Variants in ARHGAP26 observed in about 807,000 individuals in gnomAD.
ARHGAP26 encodes the protein Rho GTPase activating protein 26, also known as rho GTPase-activating protein 26.
ARHGAP26 carries 38 observed loss-of-function variants against 104.8 expected under a neutral mutation model. The observed-to-expected ratio is 0.36, with a 90% CI of 0.28 to 0.48. ARHGAP26 has a LOEUF of 0.48. Among genes scored for constraint, ARHGAP26 ranks in the 20% least tolerant of loss-of-function variants. ARHGAP26 has a pLI of 0.99. For missense variants in ARHGAP26, 704 were observed against 947.9 expected (o/e 0.74, Z 3.38); for synonymous variants, 341 against 340.0 (o/e 1.00, Z -0.03).
chr5:142,918,541 C>T (rs1762805310), intron 10 of ARHGAP26, among the ~76,000 whole-genome samples: 1 of 152,118 alleles, frequency 6.6e-6, no homozygotes, highest in Non-Finnish European at 1.5e-5. Flanking sequence ...AAAAGTAGAC[C>T]TATACTCTCA....
intron 4 of ARHGAP26, among the ~76,000 whole-genome samples, chr5:142,880,553 T>C (rs2152387785): frequency 6.6e-6 from 1 of 152,214 alleles, no homozygotes; most frequent in East Asian, 1.9e-4. Flanking sequence ...TCTAGCTGGT[T>C]TGACCTTCGG....
At chr5:142,935,030 AG>A (rs1371366109) in intron 11 of ARHGAP26, among the ~76,000 whole-genome samples, 1 of 152,246 alleles carries the variant, frequency 6.6e-6, no homozygotes, top group African/African-American at 2.4e-5. Flanking sequence ...GGAAGAAATT[AG>A]AATTGTCTTC....
chr5:143,033,012 C>T, intron 12 of ARHGAP26, among the ~76,000 whole-genome samples: 1 of 152,178 alleles, frequency 6.6e-6, no homozygotes, highest in East Asian at 1.9e-4. Flanking sequence ...GATTCCATTT[C>T]TTAACACAGT....
At chr5:142,809,856 G>C (rs932721178) in intron 1 of ARHGAP26, among the ~76,000 whole-genome samples, 1 of 152,162 alleles carries the variant, frequency 6.6e-6, no homozygotes, top group African/African-American at 2.4e-5. Flanking sequence ...ACTAAACACT[G>C]TTGCATTTGG....
chr5:142,953,993 C>T (rs1267975043), intron 11 of ARHGAP26, among the ~76,000 whole-genome samples: 1 of 152,272 alleles, frequency 6.6e-6, no homozygotes, highest in South Asian at 2.1e-4. Flanking sequence ...TTTGGACCAC[C>T]AAGGGACAAG....
At chr5:143,213,858 C>A in intron 21 of ARHGAP26, 139 bp from the exon 22 acceptor site, 1 of 463,782 alleles carries the variant, frequency 2.2e-6, no homozygotes. Context: ...TCATGTCTTG[C>A]CATCTGGCTG....
chr5:142,886,846 T>G (rs1014839262), intron 5 of ARHGAP26, among the ~76,000 whole-genome samples: 1 of 152,244 alleles, frequency 6.6e-6, no homozygotes, highest in African/African-American at 2.4e-5. Flanking sequence ...GAATCTGTCT[T>G]GGTGCCCTGA....
At chr5:142,894,467 C>A in intron 6 of ARHGAP26, 119 bp downstream of exon 6, 1 of 889,430 alleles carries the variant, frequency 1.1e-6, no homozygotes, top group Non-Finnish European at 1.8e-6. Context: ...CTGACACTGT[C>A]CCTTCTGTAA....
At chr5:142,771,312 G>A (rs938968534) in intron 1 of ARHGAP26, 1 of 1,234,098 alleles carries the variant, frequency 8.1e-7, no homozygotes, top group East Asian at 3.2e-5. Context: ...GCTCAGCCTT[G>A]AGTGCCCAAC....
chr5:143,015,515 T>A (rs1303863429), intron 12 of ARHGAP26, among the ~76,000 whole-genome samples: 1 of 152,220 alleles, frequency 6.6e-6, no homozygotes, highest in Non-Finnish European at 1.5e-5. Flanking sequence ...TGGTCTAATT[T>A]GGGTCCACCC....
intron 20 of ARHGAP26, among the ~76,000 whole-genome samples, chr5:143,167,978 G>A (rs767289796): frequency 2.6e-5 from 4 of 152,188 alleles, no homozygotes; most frequent in Non-Finnish European, 1.5e-5. Flanking sequence ...TAAAGTACTT[G>A]TATTGAATGG....
chr5:143,083,860 TC>T (rs1399263074), intron 17 of ARHGAP26, among the ~76,000 whole-genome samples: 1 of 152,178 alleles, frequency 6.6e-6, no homozygotes, highest in Admixed American at 6.5e-5. Flanking sequence ...CTCAGACTTA[TC>T]CCTCTAATAA....
At chr5:143,125,569 T>C (rs1270231197) in intron 18 of ARHGAP26, among the ~76,000 whole-genome samples, 1 of 152,200 alleles carries the variant, frequency 6.6e-6, no homozygotes, top group Non-Finnish European at 1.5e-5. Context: ...GGGAAATAAA[T>C]ATCCTAGATT....
chr5:142,791,818 G>A (rs1226753964), intron 1 of ARHGAP26, among the ~76,000 whole-genome samples: 1 of 151,766 alleles, frequency 6.6e-6, no homozygotes, highest in Non-Finnish European at 1.5e-5. Flanking sequence ...ACAAAAATTA[G>A]CCAGGCATGG....
intron 11 of ARHGAP26, among the ~76,000 whole-genome samples, chr5:142,995,396 A>G (rs963471605): frequency 1.3e-5 from 2 of 152,260 alleles, no homozygotes; most frequent in African/African-American, 4.8e-5. Flanking sequence ...TGCTGCCAAC[A>G]AACATATATA....
At chr5:143,219,426 C>T (rs1213986210) in intron 22 of ARHGAP26, among the ~76,000 whole-genome samples, 4 of 152,150 alleles carry the variant, frequency 2.6e-5, no homozygotes, top group African/African-American at 9.7e-5. Flanking sequence ...TAATCCAAAC[C>T]AAAACGCACT....
chr5:142,840,064 A>G (rs1424328128), intron 1 of ARHGAP26, among the ~76,000 whole-genome samples: 1 of 152,212 alleles, frequency 6.6e-6, no homozygotes, highest in Non-Finnish European at 1.5e-5. Context: ...CTCATTAGTC[A>G]TTAAGAAGAA....
In ARHGAP26 at chr5:142,957,471, GT is replaced by G. The variant is rs1769440908; in HGVS notation, c.1107+25347del. Among the ~76,000 whole-genome samples, 3 of 152,206 alleles carry G rather than the reference GT, an allele frequency of 2.0e-5. No individual in the cohort carries two copies. The South Asian group carries it at 6.2e-4, about 32-fold the overall frequency. On this transcript the variant is annotated intron_variant, in intron 11 of 22. Transcript: ENST00000645722. ...ACCATCATTGGACCATAAGATATTG[GT>G]CCTCATGTTAGGGGATTCACTTTGT...
intron 11 of ARHGAP26, among the ~76,000 whole-genome samples, chr5:142,937,199 C>G (rs1416354955): frequency 6.6e-6 from 1 of 151,928 alleles, no homozygotes; most frequent in Non-Finnish European, 1.5e-5. Context: ...TAAGAACTCT[C>G]AAAACTTAAC....
Sources: gnomAD v4.1 joint callset for allele counts (sites outside exome capture counted in the v4.1 genomes callset) on GRCh38, gnomAD v4.1.1 for gene constraint, MANE v1.5 for transcripts, NCBI Gene and HGNC (gene_info 2026-07-23, HGNC 2026-07-21) for gene names.